The following LIG1 variants were observed in gnomAD, a reference collection of about 807,000 sequenced individuals.
LIG1 encodes ligase I, DNA, ATP-dependent.
In LIG1, 70 loss-of-function variants were observed where a neutral mutation model predicts 115.7. The ratio of observed to expected loss-of-function variants is 0.60; its 90% CI spans 0.50 to 0.74. The LOEUF is 0.74. LIG1 is among the 30% of genes least tolerant of loss of function. LIG1 has a pLI of 0.00. For missense variants in LIG1, 1,115 were observed against 1,225.6 expected, an observed-to-expected ratio of 0.91 and a Z score of 1.35; for synonymous variants, 487 against 495.3, an observed-to-expected ratio of 0.98 and a Z score of 0.22.
chr19:48,126,858 G>A (rs141198873), intron 21 of LIG1, among the ~76,000 whole-genome samples: 21 of 151,824 alleles, frequency 1.4e-4, no homozygotes, highest in African/African-American at 3.1e-4. Flanking sequence ...GATTACAGGC[G>A]TGAACCACAG....
chr19:48,139,723 C>T (rs2034615722), intron 12 of LIG1, among the ~76,000 whole-genome samples: 1 of 152,098 alleles, frequency 6.6e-6, no homozygotes, highest in Admixed American at 6.6e-5. Flanking sequence ...TTCCCCAGCC[C>T]TCCCCTTCCC....
chr19:48,115,515 T>A lies in LIG1; in HGVS notation c.*134A>T. ...CCAGACTCCGGAGTAAGCCACCCCC[T>A]CACACACACACCCCTCCCCTGACTC... On this transcript the variant is annotated 3_prime_UTR_variant, in exon 28 of 28. Transcript: ENST00000263274. 2.9e-6 allele frequency: 2 copies of A among 700,844 alleles called. No homozygotes were observed. Among genetic ancestry groups the A allele is most frequent in the Non-Finnish European group, 2.6e-6 (1 of 387,728 alleles). 43.4% of individuals were successfully genotyped at this position (700,844 alleles called of 1,614,324 possible). A position where few individuals can be genotyped will look rare whatever the true frequency, so the allele number is the denominator to read the frequency against.
At chr19:48,144,075 A>C (rs537704283) in intron 9 of LIG1, 112 bp from the exon 10 acceptor site, 1 of 926,942 alleles carries the variant, frequency 1.1e-6, no homozygotes, top group Admixed American at 1.8e-5. Flanking sequence ...GCAGAGCTGG[A>C]TGAAAACAAA....
Position 48,170,243 on chromosome 19 carries a change from T to C in LIG1, c.-60A>G, listed in dbSNP as rs3730839. ...TGCTTGCGGACGGCCCCACTTGCCT[T>C]GCGTTGGTCCCGCGCGCCGCTGCCC... On this transcript the variant is annotated splice_region_variant and 5_prime_UTR_variant, in exon 1 of 28. Coordinates refer to ENST00000263274, the MANE Select transcript of LIG1 (RefSeq NM_000234.3). The C allele has an allele frequency of 5.6e-3, 2,558 of 455,372 alleles. 55 individuals carry two copies. Among genetic ancestry groups the C allele is most frequent in the African/African-American group, 0.046 (2,277 of 49,992 alleles). The allele number at this position is 455,372 out of a possible 1,614,324, so 28.2% of individuals were successfully genotyped here.
At chr19:48,168,685 G>A (rs2036602426) in intron 1 of LIG1, among the ~76,000 whole-genome samples, 1 of 152,144 alleles carries the variant, frequency 6.6e-6, no homozygotes, top group South Asian at 2.1e-4. Flanking sequence ...ATACCATATG[G>A]TAGAATATTG....
intron 18 of LIG1, 54 bp downstream of exon 18, chr19:48,132,928 C>T (rs1352065236): frequency 3.0e-6 from 4 of 1,328,510 alleles, no homozygotes; most frequent in African/African-American, 2.9e-5. Flanking sequence ...ACCCCACACC[C>T]CTGCTCTTTG....
chr19:48,168,838 T>G lies in LIG1; in HGVS notation c.-58+1403A>C, dbSNP rs143788113. Among the ~76,000 whole-genome samples the G allele has an allele frequency of 8.7e-3, 1,322 of 152,320 alleles. 15 individuals are homozygous for G. Among genetic ancestry groups the G allele is most frequent in the African/African-American group, 0.03 (1,259 of 41,560 alleles). Reference sequence around the variant, plus strand: ...AAACCACTGACTTGTACACTTTAAATGGGCACTTTAAATACACTGAAATAC... The same window carrying G: ...AAACCACTGACTTGTACACTTTAAAGGGGCACTTTAAATACACTGAAATAC... On this transcript the variant is annotated intron_variant, in intron 1 of 27. Transcript: ENST00000263274.
At chr19:48,148,559 G>C (rs2035272275) in intron 9 of LIG1, among the ~76,000 whole-genome samples, 1 of 152,088 alleles carries the variant, frequency 6.6e-6, no homozygotes. Flanking sequence ...GCAGATGCCA[G>C]GAGGCTGCAA....
rs891753594 is a variant in LIG1 at position 48,132,965 on chromosome 19, T to C, written c.1725+17A>G. ...CGTTTTCCTGTCTGTGGAAGGGACA[T>C]GTCCCACTCCCCATACCTGTGCCCT... On this transcript the variant is annotated intron_variant, in intron 18 of 27. Transcript: ENST00000263274. 1 of 1,553,294 alleles carries C rather than the reference T, an allele frequency of 6.4e-7. No individual in the cohort carries two copies. Among genetic ancestry groups the C allele is most frequent in the Non-Finnish European group, 8.9e-7 (1 of 1,124,642 alleles).
intron 9 of LIG1, among the ~76,000 whole-genome samples, chr19:48,145,069 G>A (rs949717592): frequency 2.0e-5 from 3 of 152,172 alleles, no homozygotes; most frequent in Non-Finnish European, 4.4e-5. Context: ...AACCATGCCC[G>A]ACTGATCTTT....
At chr19:48,152,289 A>G (rs565068093) in intron 6 of LIG1, among the ~76,000 whole-genome samples, 1 of 152,040 alleles carries the variant, frequency 6.6e-6, no homozygotes, top group Admixed American at 6.6e-5. Context: ...TACCCAGCTA[A>G]TTTTTATAAT....
intron 1 of LIG1, among the ~76,000 whole-genome samples, chr19:48,165,995 T>C (rs1343965953): frequency 6.6e-6 from 1 of 152,252 alleles, no homozygotes; most frequent in Admixed American, 6.5e-5. Flanking sequence ...TATAAAATTG[T>C]ACCCGCTGGT....
intron 19 of LIG1, among the ~76,000 whole-genome samples, chr19:48,128,980 G>A (rs978467233): frequency 2.0e-5 from 3 of 151,994 alleles, no homozygotes; most frequent in East Asian, 1.9e-4. Flanking sequence ...GGCTGGTCTC[G>A]AACTCCTGAC....
At chr19:48,144,082 C>T (rs1455545775) in intron 9 of LIG1, 119 bp from the exon 10 acceptor site, 1 of 872,714 alleles carries the variant, frequency 1.1e-6, no homozygotes, top group Admixed American at 1.8e-5. Flanking sequence ...TGGATGAAAA[C>T]AAAGTTTGCT....
intron 5 of LIG1, among the ~76,000 whole-genome samples, chr19:48,154,759 G>A (rs1284332403): frequency 6.6e-6 from 1 of 152,128 alleles, no homozygotes; most frequent in Non-Finnish European, 1.5e-5. Context: ...CCGGTCTCCC[G>A]GCCCCCAGTG....
At chr19:48,143,514 C>T in intron 11 of LIG1, 29 bp downstream of exon 11, 4 of 550,150 alleles carry the variant, frequency 7.3e-6, no homozygotes, top group Non-Finnish European at 1.4e-5. Flanking sequence ...GCGACCCCGC[C>T]CCCCACCCAG....
chr19:48,168,156 C>T (rs1385054311), intron 1 of LIG1, among the ~76,000 whole-genome samples: 1 of 152,206 alleles, frequency 6.6e-6, no homozygotes, highest in Non-Finnish European at 1.5e-5. Flanking sequence ...GGTCGGCCTG[C>T]TCCACAGCTC....
chr19:48,153,951 C>T lies in LIG1; in HGVS notation c.387G>A (p.Pro129=). Residue 129 remains proline (P), a synonymous_variant, in exon 6 of 28, where the codon CCG becomes CCA. Coordinates refer to ENST00000263274, the MANE Select transcript of LIG1 (RefSeq NM_000234.3). ...CCAGGACTTCCTGAATGGTCCGTTTCGGGAGCTGCTTCCGAGCTGGGGAGG... is the reference window on the plus strand; with the variant it reads ...CCAGGACTTCCTGAATGGTCCGTTTTGGGAGCTGCTTCCGAGCTGGGGAGG... ...PKRRTARKQL[P]KRTIQEVLEE... The T allele has an allele frequency of 4.3e-6, 7 of 1,613,792 alleles. No homozygotes were observed. Among genetic ancestry groups the T allele is most frequent in the Non-Finnish European group, 5.9e-6 (7 of 1,179,886 alleles).
chr19:48,128,343 C>T (rs1018081692), intron 19 of LIG1, among the ~76,000 whole-genome samples: 6 of 152,186 alleles, frequency 3.9e-5, no homozygotes, highest in African/African-American at 1.2e-4. Context: ...TGCTCAGCCT[C>T]GCCTACTGGG....
Sources: allele counts gnomAD v4.1 joint callset (sites outside exome capture counted in the v4.1 genomes callset), GRCh38; gene constraint gnomAD v4.1.1; transcripts MANE v1.5; gene names NCBI Gene and HGNC (gene_info 2026-07-23, HGNC 2026-07-21).